Variants in KIAA1217 observed in about 807,000 individuals in gnomAD.
KIAA1217 encodes sickle tail protein homolog.
KIAA1217 carries 88 observed loss-of-function variants against 163.9 expected under a neutral mutation model. That is an observed-to-expected ratio of 0.54 (90% CI 0.45 to 0.64). The LOEUF (loss-of-function observed/expected upper bound fraction) is 0.64, where lower values mean the gene tolerates loss of function less well. Ranked by LOEUF, KIAA1217 falls within the 30% of genes least tolerant of loss-of-function variation. The pLI is 0.00. For synonymous variants in KIAA1217, 903 were observed against 923.1 expected (o/e 0.98, Z 0.39); for missense variants, 2,372 against 2,475.0 (o/e 0.96, Z 0.88).
At chr10:24,087,011 G>C (rs1439749791) in intron 2 of KIAA1217, among the ~76,000 whole-genome samples, 6 of 152,186 alleles carry the variant, frequency 3.9e-5, no homozygotes, top group African/African-American at 1.4e-4. Context: ...CCATTGTCCA[G>C]TATGGCTCTG....
chr10:24,475,490 C>A (rs1231497612), intron 6 of KIAA1217, among the ~76,000 whole-genome samples: 1 of 152,064 alleles, frequency 6.6e-6, no homozygotes, highest in Non-Finnish European at 1.5e-5. Context: ...CAGAAAGATT[C>A]CAGGAGACAG....
At chr10:23,821,525 G>A (rs1203698650) in intron 1 of KIAA1217, among the ~76,000 whole-genome samples, 3 of 152,222 alleles carry the variant, frequency 2.0e-5, no homozygotes, top group East Asian at 3.9e-4. Flanking sequence ...CACAAATGAT[G>A]GGGAAAACCT....
chr10:23,934,880 G>C (rs1423575115), intron 1 of KIAA1217, among the ~76,000 whole-genome samples: 1 of 151,592 alleles, frequency 6.6e-6, no homozygotes, highest in African/African-American at 2.4e-5. Flanking sequence ...GCCTCCCACA[G>C]TGCTGGGATT....
intron 2 of KIAA1217, among the ~76,000 whole-genome samples, chr10:24,315,513 A>C (rs184300802): frequency 1.2e-4 from 19 of 152,290 alleles, no homozygotes; most frequent in Admixed American, 1.1e-3. Flanking sequence ...AGCCTCCTTC[A>C]GGAGGTTACT....
intron 1 of KIAA1217, among the ~76,000 whole-genome samples, chr10:23,936,641 AC>A (rs1180750999): frequency 6.6e-6 from 1 of 152,050 alleles, no homozygotes; most frequent in Non-Finnish European, 1.5e-5. Flanking sequence ...ATTCCCAGCA[AC>A]CACCAGCTCC....
At chr10:24,047,666 G>A (rs1849136770) in intron 2 of KIAA1217, among the ~76,000 whole-genome samples, 1 of 152,124 alleles carries the variant, frequency 6.6e-6, no homozygotes, top group Admixed American at 6.5e-5. Flanking sequence ...TTATGTTTAA[G>A]GAGTAAACTT....
intron 1 of KIAA1217, among the ~76,000 whole-genome samples, chr10:23,806,197 G>A (rs765306490): frequency 6.4e-4 from 98 of 152,070 alleles, no homozygotes; most frequent in Non-Finnish European, 6.5e-4. Flanking sequence ...GTGTGCACGT[G>A]AGAAGGGAAA....
At chr10:23,831,692 A>G (rs1838210253) in intron 1 of KIAA1217, among the ~76,000 whole-genome samples, 1 of 152,096 alleles carries the variant, frequency 6.6e-6, no homozygotes, top group South Asian at 2.1e-4. Context: ...CCATATCTTG[A>G]TCTCCCATTT....
At chr10:24,133,317 A>T (rs936555190) in intron 2 of KIAA1217, among the ~76,000 whole-genome samples, 1 of 152,160 alleles carries the variant, frequency 6.6e-6, no homozygotes, top group Admixed American at 6.5e-5. Flanking sequence ...TCATGCTATA[A>T]TCTCAGCATT....
chr10:23,840,096 G>T (rs1321465502), intron 1 of KIAA1217, among the ~76,000 whole-genome samples: 1 of 151,920 alleles, frequency 6.6e-6, no homozygotes, highest in Non-Finnish European at 1.5e-5. Context: ...TCCACATTTG[G>T]TTGGTATATC....
chr10:24,193,972 T>C (rs1382979284), intron 2 of KIAA1217, among the ~76,000 whole-genome samples: 2 of 151,984 alleles, frequency 1.3e-5, no homozygotes, highest in African/African-American at 4.8e-5. Flanking sequence ...GGATCACCTG[T>C]GGTCAGAAGT....
chr10:24,504,683 G>A (rs1416800074), intron 9 of KIAA1217, among the ~76,000 whole-genome samples: 4 of 152,164 alleles, frequency 2.6e-5, no homozygotes. Flanking sequence ...TTATAAAATA[G>A]TGAAACTGAA....
chr10:23,780,026 G>A (rs1835184965), intron 1 of KIAA1217, among the ~76,000 whole-genome samples: 1 of 152,144 alleles, frequency 6.6e-6, no homozygotes. Context: ...ACCCTATGAT[G>A]TTCATAGGAC....
At chr10:24,357,253 C>G (rs1159943304) in intron 2 of KIAA1217, among the ~76,000 whole-genome samples, 1 of 152,232 alleles carries the variant, frequency 6.6e-6, no homozygotes, top group Non-Finnish European at 1.5e-5. Flanking sequence ...TAGTACGAAT[C>G]ACCTTGCTTT....
intron 2 of KIAA1217, among the ~76,000 whole-genome samples, chr10:24,324,411 A>G (rs1373196539): frequency 6.6e-6 from 1 of 152,192 alleles, no homozygotes; most frequent in Non-Finnish European, 1.5e-5. Flanking sequence ...CACTAAAAAT[A>G]CAAAAATTAG....
intron 2 of KIAA1217, among the ~76,000 whole-genome samples, chr10:24,240,771 T>C (rs1036229344): frequency 1.8e-4 from 27 of 152,176 alleles, no homozygotes; most frequent in African/African-American, 6.3e-4. Flanking sequence ...TGAAATGGCA[T>C]TGGATATTTA....
At chr10:24,363,510 T>C (rs2050297207) in intron 2 of KIAA1217, among the ~76,000 whole-genome samples, 1 of 152,150 alleles carries the variant, frequency 6.6e-6, no homozygotes, top group Admixed American at 6.5e-5. Flanking sequence ...CTTGAGGTAG[T>C]TGAGTCTTCC....
At chr10:24,533,297 T>C (rs983726797) in intron 16 of KIAA1217, 60 bp downstream of exon 16, 5 of 1,506,942 alleles carry the variant, frequency 3.3e-6, no homozygotes, top group Admixed American at 3.9e-5. Context: ...TCTCCAGCCA[T>C]GGCACTCACA....
chr10:24,372,944 T>G (rs973339384), intron 2 of KIAA1217, among the ~76,000 whole-genome samples: 20 of 152,240 alleles, frequency 1.3e-4, no homozygotes, highest in African/African-American at 4.8e-4. Context: ...CAAACCAATC[T>G]ATCCTGGCTT....
Sources: gnomAD v4.1 joint callset for allele counts (sites outside exome capture counted in the v4.1 genomes callset) on GRCh38, gnomAD v4.1.1 for gene constraint, MANE v1.5 for transcripts, NCBI Gene and HGNC (gene_info 2026-07-23, HGNC 2026-07-21) for gene names.